The following MYO5A variants were observed in gnomAD, a reference collection of about 807,000 sequenced individuals.
MYO5A encodes myosin VA, also known as unconventional myosin-Va.
In MYO5A, 98 loss-of-function variants were observed where a neutral mutation model predicts 249.7. The observed-to-expected ratio is 0.39, with a 90% confidence interval of 0.33 to 0.46. The LOEUF (loss-of-function observed/expected upper bound fraction) is 0.46, where lower values mean the gene tolerates loss of function less well. Among genes scored for constraint, MYO5A ranks in the 20% least tolerant of loss-of-function variants. The probability of loss-of-function intolerance (pLI) is 0.98; values close to 1 mark genes in which losing one functional copy is unlikely to be tolerated. For synonymous variants in MYO5A, 778 were observed against 810.6 expected (o/e 0.96, Z 0.68); for missense variants, 1,696 against 2,308.8 (o/e 0.73, Z 5.44).
chr15:52,341,425 G>A (rs553963870), intron 31 of MYO5A, among the ~76,000 whole-genome samples: 2 of 152,294 alleles, frequency 1.3e-5, no homozygotes, highest in South Asian at 4.1e-4. Context: ...CAAACATACA[G>A]CCAGCTGTGC....
chr15:52,480,269 G>A (rs184333067), intron 1 of MYO5A, among the ~76,000 whole-genome samples: 82 of 152,242 alleles, frequency 5.4e-4, no homozygotes, highest in Non-Finnish European at 1.1e-3. Context: ...TAGCTAAAAC[G>A]CAAAGAAACT....
chr15:52,454,237 C>A (rs1350475633), intron 1 of MYO5A, among the ~76,000 whole-genome samples: 1 of 151,966 alleles, frequency 6.6e-6, no homozygotes, highest in Non-Finnish European at 1.5e-5. Context: ...ATAAAATAGA[C>A]TACAAGTCAA....
chr15:52,446,583 G>A (rs1333573107), intron 1 of MYO5A, among the ~76,000 whole-genome samples: 4 of 152,188 alleles, frequency 2.6e-5, no homozygotes, highest in African/African-American at 7.2e-5. Context: ...GCTGTGAGAA[G>A]GGGGCCACCA....
intron 1 of MYO5A, among the ~76,000 whole-genome samples, chr15:52,476,826 T>A (rs1595755577): frequency 6.6e-6 from 1 of 152,330 alleles, no homozygotes; most frequent in South Asian, 2.1e-4. Flanking sequence ...GCCCTTAACA[T>A]TTTTTCCTTC....
chr15:52,418,393 G>T (rs1300011860), intron 4 of MYO5A, among the ~76,000 whole-genome samples: 2 of 152,110 alleles, frequency 1.3e-5, no homozygotes, highest in African/African-American at 4.8e-5. Flanking sequence ...TCACTTTATG[G>T]AAATAAAAGA....
intron 3 of MYO5A, among the ~76,000 whole-genome samples, chr15:52,428,160 G>A (rs955840179): frequency 5.3e-5 from 8 of 152,078 alleles, no homozygotes; most frequent in Admixed American, 3.9e-4. Flanking sequence ...TTCTGTAAGG[G>A]GAAAAAAATT....
At position 52,376,561 on chromosome 15, in the gene MYO5A, A is replaced by G. The variant is rs2041425595; in HGVS notation, c.2209-3T>C. ...CCAAACTGGTATTTGTCCTTGTCCT[A>G]TTTTTGGAAGAAATTGTATATTCAG... On this transcript the variant is annotated splice_region_variant and splice_polypyrimidine_tract_variant and intron_variant, in intron 18 of 41. Transcript: ENST00000399233. 1 of 1,612,966 alleles carries G rather than the reference A, an allele frequency of 6.2e-7. No individual in the cohort carries two copies.
chr15:52,405,831 G>C (rs938567358), intron 8 of MYO5A, among the ~76,000 whole-genome samples: 4 of 152,130 alleles, frequency 2.6e-5, no homozygotes, highest in Non-Finnish European at 5.9e-5. Flanking sequence ...TCACACACTG[G>C]GTTTAAAATT....
intron 22 of MYO5A, 85 bp from the exon 23 acceptor site, chr15:52,367,209 C>G (rs1383469803): frequency 2.6e-6 from 3 of 1,166,820 alleles, no homozygotes; most frequent in Non-Finnish European, 3.8e-6. Flanking sequence ...AGCAGTCATT[C>G]CTTACTTCCA....
At chr15:52,504,823 A>G (rs1246539351) in intron 1 of MYO5A, among the ~76,000 whole-genome samples, 1 of 151,772 alleles carries the variant, frequency 6.6e-6, no homozygotes, top group Non-Finnish European at 1.5e-5. Context: ...CAGCAGGCAG[A>G]GGTTGCAGGG....
intron 1 of MYO5A, among the ~76,000 whole-genome samples, chr15:52,450,561 C>T (rs112534403): frequency 0.15 from 22,706 of 150,470 alleles, 1,809 homozygotes; most frequent in Middle Eastern, 0.22. Context: ...CCCAGCTACT[C>T]GGTAGGCTGA....
chr15:52,482,184 A>C (rs1490800324), intron 1 of MYO5A, among the ~76,000 whole-genome samples: 1 of 152,180 alleles, frequency 6.6e-6, no homozygotes, highest in Non-Finnish European at 1.5e-5. Flanking sequence ...GAGCTTGAGA[A>C]CTTCCTGGAT....
At chr15:52,527,851 G>C (rs376304488) in intron 1 of MYO5A, among the ~76,000 whole-genome samples, 4 of 152,184 alleles carry the variant, frequency 2.6e-5, no homozygotes, top group African/African-American at 4.8e-5. Context: ...AATGTGAAAA[G>C]GCAACTCTAT....
chr15:52,473,779 G>T (rs1010005529), intron 1 of MYO5A, among the ~76,000 whole-genome samples: 2 of 152,172 alleles, frequency 1.3e-5, no homozygotes, highest in African/African-American at 4.8e-5. Flanking sequence ...GTACCATGCT[G>T]TTTTGGTTAC....
Position 52,312,820 on chromosome 15 carries a change from C to T in MYO5A, c.*876G>A, listed in dbSNP as rs1295506347. The T allele has an allele frequency of 6.6e-6, 1 of 152,224 alleles. No individual in the cohort carries two copies. Among genetic ancestry groups the T allele is most frequent in the Non-Finnish European group, 1.5e-5 (1 of 68,046 alleles). The allele number at this position is 152,224 out of a possible 1,614,324, so 9.4% of individuals were successfully genotyped here. A position where few individuals can be genotyped will look rare whatever the true frequency, so the allele number is the denominator to read the frequency against. On this transcript the variant is annotated 3_prime_UTR_variant, in exon 42 of 42. Coordinates refer to ENST00000399233, the MANE Select transcript of MYO5A (RefSeq NM_001382347.1). ...AATTAATGAGCACATCAATGTAATA[C>T]ATCCTGAATAAATAATGACATCAAC... is the stretch of plus-strand genomic sequence containing the variant.
intron 25 of MYO5A, among the ~76,000 whole-genome samples, chr15:52,357,335 A>T (rs2040282872): frequency 6.6e-6 from 1 of 151,922 alleles, no homozygotes; most frequent in South Asian, 2.1e-4. Flanking sequence ...ATAATACTTC[A>T]TTCATTATAC....
At chr15:52,475,538 T>C (rs1418588808) in intron 1 of MYO5A, among the ~76,000 whole-genome samples, 3 of 152,236 alleles carry the variant, frequency 2.0e-5, no homozygotes, top group African/African-American at 7.2e-5. Context: ...GCTATAAATT[T>C]CCCTCTACAC....
chr15:52,384,532 T>G (rs2041895569), intron 14 of MYO5A, among the ~76,000 whole-genome samples: 1 of 152,084 alleles, frequency 6.6e-6, no homozygotes, highest in South Asian at 2.1e-4. Context: ...ATGCAATAAT[T>G]CTACAACCAT....
In MYO5A at chr15:52,319,110, G is replaced by A. The variant is rs2038176008; in HGVS notation, c.5184C>T (p.Asn1728=). The A allele has an allele frequency of 1.9e-6, 3 of 1,614,224 alleles. No individual in the cohort carries two copies. Among genetic ancestry groups the A allele is most frequent in the East Asian group, 2.2e-5 (1 of 44,882 alleles). Residue 1728 remains asparagine, a synonymous_variant, in exon 39 of 42, where the codon AAC becomes AAT. Coordinates refer to ENST00000399233, the MANE Select transcript of MYO5A (RefSeq NM_001382347.1). ...FYIIGAITLN[N]LLLRKDMCSW... ...AGCACATGTCCTTCCGCAGGAGAAG[G>A]TTGTTCAGGGTGATGGCCCCTATGA...
Sources: gnomAD v4.1 joint callset for allele counts (sites outside exome capture counted in the v4.1 genomes callset) on GRCh38, gnomAD v4.1.1 for gene constraint, MANE v1.5 for transcripts, NCBI Gene and HGNC (gene_info 2026-07-23, HGNC 2026-07-21) for gene names.